Variants in ATP9B observed in about 807,000 individuals in gnomAD.
The protein encoded by ATP9B is probable phospholipid-transporting ATPase IIB.
Under a neutral mutation model 146.1 loss-of-function variants are expected in ATP9B, and 110 were observed. The observed-to-expected ratio is 0.75, with a 90% CI of 0.65 to 0.88. The LOEUF (loss-of-function observed/expected upper bound fraction) is 0.88, where lower values mean the gene tolerates loss of function less well. Among genes scored for constraint, ATP9B ranks in the 40% least tolerant of loss-of-function variants. The pLI is 0.00. For synonymous variants in ATP9B, 604 were observed against 569.7 expected, an observed-to-expected ratio of 1.06 and a Z score of -0.86; for missense variants, 1,499 against 1,496.4, an observed-to-expected ratio of 1.00 and a Z score of -0.03.
chr18:79,241,169 A>T (rs1206641138), intron 11 of ATP9B, among the ~76,000 whole-genome samples: 1 of 152,226 alleles, frequency 6.6e-6, no homozygotes, highest in Non-Finnish European at 1.5e-5. Flanking sequence ...AGTTAGTCTC[A>T]TCAAGGTAAA....
chr18:79,342,491 T>C (rs182854609), intron 20 of ATP9B, 125 bp downstream of exon 20: 3 of 608,958 alleles, frequency 4.9e-6, no homozygotes, highest in African/African-American at 1.9e-5. Flanking sequence ...ACTACTGTAA[T>C]TTTTTTAATT....
At chr18:79,223,704 C>T (rs969040356) in intron 11 of ATP9B, among the ~76,000 whole-genome samples, 4 of 152,092 alleles carry the variant, frequency 2.6e-5, no homozygotes, top group African/African-American at 7.2e-5. Context: ...CTTGCATACC[C>T]GGCACACTTT....
At chr18:79,192,462 G>A (rs2095376546) in intron 8 of ATP9B, among the ~76,000 whole-genome samples, 1 of 152,210 alleles carries the variant, frequency 6.6e-6, no homozygotes, top group South Asian at 2.1e-4. Flanking sequence ...AGCAGAGTCA[G>A]CAGCGAGAAG....
chr18:79,158,482 T>C (rs2094829434), intron 7 of ATP9B, among the ~76,000 whole-genome samples: 1 of 152,220 alleles, frequency 6.6e-6, no homozygotes, highest in Non-Finnish European at 1.5e-5. Flanking sequence ...AGACAGGCTG[T>C]GTCTGTTGCT....
chr18:79,367,718 TGA>T (rs1324278905), intron 26 of ATP9B, among the ~76,000 whole-genome samples: 1 of 152,304 alleles, frequency 6.6e-6, no homozygotes, highest in Non-Finnish European at 1.5e-5. Flanking sequence ...TCACCAGGGA[TGA>T]GAGAGGCCAC....
intron 13 of ATP9B, among the ~76,000 whole-genome samples, chr18:79,286,786 A>C (rs1369308738): frequency 6.6e-6 from 1 of 152,224 alleles, no homozygotes; most frequent in Non-Finnish European, 1.5e-5. Context: ...ATTTTGAGAT[A>C]CGTCCCATCA....
At chr18:79,185,048 T>G (rs531918861) in intron 8 of ATP9B, among the ~76,000 whole-genome samples, 13 of 151,870 alleles carry the variant, frequency 8.6e-5, no homozygotes, top group African/African-American at 3.1e-4. Context: ...TAACATACAA[T>G]TCTGTACAAG....
intron 1 of ATP9B, among the ~76,000 whole-genome samples, chr18:79,074,140 T>C (rs545047404): frequency 1.4e-4 from 22 of 152,222 alleles, no homozygotes; most frequent in Non-Finnish European, 2.9e-4. Flanking sequence ...ATCTTTGGTC[T>C]GCTTGGTTTA....
chr18:79,361,954 T>C (rs1345338182), intron 26 of ATP9B: 1 of 271,518 alleles, frequency 3.7e-6, no homozygotes, highest in African/African-American at 2.3e-5. Context: ...AGTGAATCAG[T>C]GGCATAGAGC....
chr18:79,281,953 C>T (rs1233309761), intron 13 of ATP9B, among the ~76,000 whole-genome samples: 3 of 152,190 alleles, frequency 2.0e-5, no homozygotes, highest in Non-Finnish European at 4.4e-5. Flanking sequence ...ATACGTGGTA[C>T]CTGGGAGGAG....
chr18:79,256,279 A>ATATATGTATATATATATATATATATATG (rs2096077776), intron 12 of ATP9B, among the ~76,000 whole-genome samples: 1 of 140,672 alleles, frequency 7.1e-6, no homozygotes, highest in African/African-American at 2.7e-5. Flanking sequence ...ATATATATAT[A>ATATATGTATATATATATATATATATATG]TATATATACA....
intron 6 of ATP9B, chr18:79,146,349 A>G (rs1192231708): frequency 1.1e-4 from 17 of 160,356 alleles, no homozygotes; most frequent in Admixed American, 2.3e-4. Flanking sequence ...AGAGTGACTG[A>G]AGGTGCACGC....
At chr18:79,277,369 C>A in intron 13 of ATP9B, 173 bp downstream of exon 13, 1 of 673,344 alleles carries the variant, frequency 1.5e-6, no homozygotes, top group Non-Finnish European at 2.4e-6. Flanking sequence ...TGTCACACAG[C>A]TTAATCATCT....
chr18:79,274,001 A>G (rs1340761006), intron 12 of ATP9B, among the ~76,000 whole-genome samples: 2 of 152,206 alleles, frequency 1.3e-5, no homozygotes, highest in African/African-American at 4.8e-5. Context: ...TGTTTCAGGT[A>G]ACTGTCTGAA....
chr18:79,149,655 A>G (rs2094650380), intron 6 of ATP9B, among the ~76,000 whole-genome samples: 1 of 152,126 alleles, frequency 6.6e-6, no homozygotes, highest in Admixed American at 6.5e-5. Flanking sequence ...TTTGTAAACC[A>G]TATATTCAAC....
chr18:79,113,227 C>G lies in ATP9B; in HGVS notation c.445-14C>G, dbSNP rs1449924896. 4 of 1,469,458 alleles carry G rather than the reference C, an allele frequency of 2.7e-6. No individual in the cohort carries two copies. Among genetic ancestry groups the G allele is most frequent in the Middle Eastern group, 2.0e-4 (1 of 4,890 alleles). 91.0% of individuals were successfully genotyped at this position (1,469,458 alleles called of 1,614,324 possible). A position where few individuals can be genotyped will look rare whatever the true frequency, so the allele number is the denominator to read the frequency against. The stretch of plus-strand genomic sequence containing the variant: ...CTTGAAGGAATTTTGTTAATTTTCT[C>G]TTTTCCTTTTTAGGTTTTGTATGAA... On this transcript the variant is annotated splice_polypyrimidine_tract_variant and intron_variant, in intron 3 of 29. Transcript: ENST00000426216.
chr18:79,076,250 CCTTT>C (rs1465481093), intron 1 of ATP9B, among the ~76,000 whole-genome samples: 2 of 152,192 alleles, frequency 1.3e-5, no homozygotes, highest in South Asian at 2.1e-4. Flanking sequence ...CCCTTTCTGC[CCTTT>C]CTGTTTTCTT....
intron 7 of ATP9B, among the ~76,000 whole-genome samples, chr18:79,163,402 A>C (rs1600078778): frequency 6.6e-6 from 1 of 152,206 alleles, no homozygotes; most frequent in East Asian, 1.9e-4. Context: ...GAATACAGGA[A>C]ATTTATGAGA....
At chr18:79,313,694 A>G (rs908274037) in intron 15 of ATP9B, among the ~76,000 whole-genome samples, 6 of 152,214 alleles carry the variant, frequency 3.9e-5, no homozygotes, top group Non-Finnish European at 7.3e-5. Flanking sequence ...TTCACAATAG[A>G]GATTTCATTG....
Sources: allele counts gnomAD v4.1 joint callset (sites outside exome capture counted in the v4.1 genomes callset), GRCh38; gene constraint gnomAD v4.1.1; transcripts MANE v1.5; gene names NCBI Gene and HGNC (gene_info 2026-07-23, HGNC 2026-07-21).